The following SYNE2 variants were observed in gnomAD, a reference collection of about 807,000 sequenced individuals.
SYNE2 encodes the protein spectrin repeat containing nuclear envelope protein 2, also known as nesprin-2.
SYNE2 carries 431 observed loss-of-function variants against 856.3 expected under a neutral mutation model. The observed-to-expected ratio is 0.50, with a 90% CI of 0.47 to 0.55. The LOEUF (loss-of-function observed/expected upper bound fraction) is 0.55, where lower values mean the gene tolerates loss of function less well. Among genes scored for constraint, SYNE2 ranks in the 20% least tolerant of loss-of-function variants. The pLI is 0.00. For missense variants in SYNE2, 8,129 were observed against 8,023.2 expected (o/e 1.01, Z -0.50); for synonymous variants, 2,923 against 2,872.3 (o/e 1.02, Z -0.56).
chr14:63,773,148 T>C (rs1310674043), intron 1 of SYNE2, among the ~76,000 whole-genome samples: 2 of 144,568 alleles, frequency 1.4e-5, no homozygotes, highest in Non-Finnish European at 1.5e-5. Flanking sequence ...AATTTTACTG[T>C]TTAAACTCCA....
At chr14:63,909,278 CT>C in intron 2 of SYNE2, 51 bp downstream of exon 2, 1 of 1,255,064 alleles carries the variant, frequency 8.0e-7, no homozygotes, top group African/African-American at 1.5e-5. Context: ...GGAAACCTTA[CT>C]TTTATCTAGT....
intron 55 of SYNE2, 94 bp downstream of exon 55, chr14:64,078,700 A>G: frequency 6.8e-7 from 1 of 1,468,738 alleles, no homozygotes; most frequent in Admixed American, 1.7e-5. Flanking sequence ...CTTTGAATTA[A>G]TCTGAAGCAC....
chr14:63,976,489 C>A, intron 11 of SYNE2, 74 bp from the exon 12 acceptor site: 1 of 1,487,132 alleles, frequency 6.7e-7, no homozygotes, highest in Non-Finnish European at 9.3e-7. Context: ...AAGAATCAAA[C>A]ATACTGTATG....
rs769589417 is a variant in SYNE2 at position 64,001,996 on chromosome 14, T to A, written c.3701T>A (p.Leu1234His). Residue 1234 changes from leucine to histidine, a missense_variant, in exon 29 of 116, where the codon CTC (leucine) becomes CAC (histidine). Around this residue, in one of 3 missense-constraint regions of SYNE2, gnomAD observed 2,422 missense variants for 2,357.4 expected, o/e 1.03. Coordinates refer to ENST00000555002, the MANE Select transcript of SYNE2 (RefSeq NM_182914.3). The stretch of plus-strand genomic sequence containing the variant: ...CCTGTAGAGAAGGCATCACTTCTTC[T>A]CTGTGGCTCGGACCTGCCTCTCCAT... Reference protein sequence around the residue: ...VLPVEKASLLLCGSDLPLHKM... With the variant: ...VLPVEKASLLHCGSDLPLHKM... 1.4e-5 allele frequency: 23 copies of A among 1,614,026 alleles called. 1 individual carries two copies. The South Asian group carries it at 2.4e-4, about 17-fold the overall frequency.
intron 8 of SYNE2, among the ~76,000 whole-genome samples, chr14:63,958,103 A>G (rs1050687379): frequency 2.0e-5 from 3 of 152,212 alleles, no homozygotes; most frequent in African/African-American, 7.2e-5. Flanking sequence ...GGAAAAATTG[A>G]GAAGATAGTG....
chr14:64,219,107 T>TTG (rs1555556081), intron 109 of SYNE2, 101 bp from the exon 110 acceptor site: 13 of 654,022 alleles, frequency 2.0e-5, no homozygotes, highest in East Asian at 4.6e-5. Context: ...TTTTTTTGTT[T>TTG]TTTTTTTTTT....
At chr14:63,842,847 G>T (rs1890113609) in intron 1 of SYNE2, among the ~76,000 whole-genome samples, 2 of 151,970 alleles carry the variant, frequency 1.3e-5, no homozygotes. Context: ...GTTTGTTCAG[G>T]GTTACCATTG....
At chr14:64,075,028 CACTT>C (rs2097446840) in intron 53 of SYNE2, among the ~76,000 whole-genome samples, 1 of 152,204 alleles carries the variant, frequency 6.6e-6, no homozygotes, top group South Asian at 2.1e-4. Flanking sequence ...AACGGGATGA[CACTT>C]ACTTATTAAA....
At chr14:63,984,903 A>G (rs1490963833) in intron 18 of SYNE2, among the ~76,000 whole-genome samples, 1 of 152,206 alleles carries the variant, frequency 6.6e-6, no homozygotes, top group Non-Finnish European at 1.5e-5. Context: ...TATGCCTTCA[A>G]TTCTAGCACT....
Position 63,954,748 on chromosome 14 carries a change from A to G in SYNE2, c.620A>G (p.Lys207Arg). The change falls in exon 8 of 116, where the codon AAG becomes AGG. Residue 207 changes from lysine (K) to arginine (R), a missense_variant. By Grantham distance (26) the Lys-to-Arg change is conservative. Around this residue, in one of 3 missense-constraint regions of SYNE2, gnomAD observed 2,422 missense variants for 2,357.4 expected, o/e 1.03. Coordinates refer to ENST00000555002, the MANE Select transcript of SYNE2 (RefSeq NM_182914.3). ...GAGTCTGTCAATGTGACCGATTTTA[A>G]GTCAAGTTGGAGAAATGGGATGGCT... Reference protein sequence around the residue: ...TYESVNVTDFKSSWRNGMAFL... With the variant: ...TYESVNVTDFRSSWRNGMAFL... 1 of 1,614,058 alleles carries G rather than the reference A, an allele frequency of 6.2e-7. No homozygotes were observed. Among genetic ancestry groups the G allele is most frequent in the Middle Eastern group, 1.6e-4 (1 of 6,062 alleles).
At chr14:63,804,699 G>A (rs1052704903) in intron 1 of SYNE2, among the ~76,000 whole-genome samples, 4 of 152,036 alleles carry the variant, frequency 2.6e-5, no homozygotes, top group African/African-American at 9.7e-5. Context: ...TCTCCATGTT[G>A]GTCAGGCTGA....
intron 2 of SYNE2, among the ~76,000 whole-genome samples, chr14:63,914,414 C>T (rs2095511193): frequency 6.6e-6 from 1 of 152,196 alleles, no homozygotes; most frequent in South Asian, 2.1e-4. Context: ...TGCTTTTAGG[C>T]AGTGCCTACC....
Position 63,982,659 on chromosome 14 carries a change from T to A in SYNE2, c.1866T>A (p.Asn622Lys). 1 of 1,614,080 alleles carries A rather than the reference T, an allele frequency of 6.2e-7. No individual in the cohort carries two copies. Among genetic ancestry groups the A allele is most frequent in the Non-Finnish European group, 8.5e-7 (1 of 1,179,984 alleles). ...CCTTTGAGACACTAGCCCAGTGGAA[T>A]CTAGAACACGCTACTTTAAATGAAG... ...EVPFETLAQWNLEHATLNEAG... is the reference protein window; with the variant it reads ...EVPFETLAQWKLEHATLNEAG... Residue 622 changes from asparagine to lysine, a missense_variant, in exon 17 of 116, where the codon AAT becomes AAA. Asn to Lys is a moderately conservative substitution (Grantham distance 94). Transcript: ENST00000555002.
chr14:64,129,499 C>G, intron 74 of SYNE2, among the ~76,000 whole-genome samples: 1 of 152,104 alleles, frequency 6.6e-6, no homozygotes, highest in East Asian at 1.9e-4. Context: ...TGAAGAGATG[C>G]TGAAGAGCTG....
At chr14:63,936,013 T>C (rs569576511) in intron 2 of SYNE2, among the ~76,000 whole-genome samples, 8 of 152,288 alleles carry the variant, frequency 5.3e-5, no homozygotes, top group South Asian at 2.1e-4. Context: ...TAGCTGGGAT[T>C]ACAGGTGCCC....
intron 1 of SYNE2, among the ~76,000 whole-genome samples, chr14:63,803,796 T>C (rs1006571997): frequency 1.2e-4 from 18 of 152,222 alleles, no homozygotes; most frequent in African/African-American, 3.1e-4. Context: ...GAGCGAGGAC[T>C]GTGAGGACTG....
intron 1 of SYNE2, among the ~76,000 whole-genome samples, chr14:63,905,532 G>A (rs2095397248): frequency 6.6e-6 from 1 of 152,082 alleles, no homozygotes; most frequent in Non-Finnish European, 1.5e-5. Context: ...TTGGTTAGCT[G>A]TGTTCCTAGA....
intron 85 of SYNE2, among the ~76,000 whole-genome samples, chr14:64,153,251 A>G (rs549509246): frequency 1.4e-4 from 22 of 152,360 alleles, no homozygotes; most frequent in African/African-American, 4.8e-4. Context: ...AGGCATGTCA[A>G]TGTCAGCATT....
Position 64,053,074 on chromosome 14 carries a change from A to G in SYNE2, c.9161A>G (p.Lys3054Arg), listed in dbSNP as rs1231889900. The G allele has an allele frequency of 1.9e-6, 3 of 1,614,132 alleles. No homozygotes were observed. The South Asian group carries it at 3.3e-5, about 18-fold the overall frequency. The change falls in exon 48 of 116, where the codon AAA becomes AGA. Residue 3054 changes from lysine to arginine, a missense_variant. This residue lies in a region of SYNE2 where 5,410 missense variants were observed against 5,284.8 expected (regional missense o/e 1.02). Transcript: ENST00000555002. ...EHGKYQALLS[K>R]MRAIDLQIKK... ...GGCAAATATCAGGCATTATTAAGTA[A>G]AATGAGAGCTATTGATTTGCAAATT...
Sources: gnomAD v4.1 joint callset for allele counts (sites outside exome capture counted in the v4.1 genomes callset) on GRCh38, gnomAD v4.1.1 for gene constraint, gnomAD v4.1.1 regional missense constraint, MANE v1.5 for transcripts, NCBI Gene and HGNC (gene_info 2026-07-23, HGNC 2026-07-21) for gene names.